The following SEMA4F variants were observed in gnomAD, a reference collection of about 807,000 sequenced individuals.
SEMA4F encodes semaphorin-4F.
In SEMA4F, 51 loss-of-function variants were observed where a neutral mutation model predicts 78.4. That is an observed-to-expected ratio of 0.65 (90% CI 0.52 to 0.82). The LOEUF is 0.82. Among genes scored for constraint, SEMA4F ranks in the 40% least tolerant of loss-of-function variants. SEMA4F has a pLI of 0.00. For missense variants in SEMA4F, 938 were observed against 1,014.4 expected, an observed-to-expected ratio of 0.92 and a Z score of 1.02; for synonymous variants, 418 against 408.7, an observed-to-expected ratio of 1.02 and a Z score of -0.27.
In SEMA4F at chr2:74,673,449, C is replaced by T. The variant is rs1265800441; in HGVS notation, c.551-8C>T. On this transcript the variant is annotated splice_polypyrimidine_tract_variant and splice_region_variant and intron_variant, in intron 5 of 13. Transcript: ENST00000357877. ...CTGATAGCCCATCTCCTCCCTGTCGCCCTGCAGGGGGGGTCCTCTATGCTG... is the reference window on the plus strand; with the variant it reads ...CTGATAGCCCATCTCCTCCCTGTCGTCCTGCAGGGGGGGTCCTCTATGCTG... 5 of 1,613,750 alleles carry T rather than the reference C, an allele frequency of 3.1e-6. No homozygotes were observed. In the East Asian group the frequency reaches 1.1e-4, roughly 36 times the overall value.
intron 5 of SEMA4F, among the ~76,000 whole-genome samples, chr2:74,666,113 G>C (rs1272303371): frequency 6.6e-6 from 1 of 151,838 alleles, no homozygotes; most frequent in African/African-American, 2.4e-5. Flanking sequence ...TCACCATGTT[G>C]ATCAGGCTGG....
the SEMA4F span, among the ~76,000 whole-genome samples, chr2:74,706,759 A>C: frequency 1.3e-5 from 2 of 152,050 alleles, 1 homozygote. Context: ...ATTGATTTTC[A>C]CTTCTGAGTT....
chr2:74,660,619 G>C lies in SEMA4F; in HGVS notation c.457-2113G>C, dbSNP rs1043978319. ...AATGAAGAATCTCAACATTCAGATA[G>C]ATAATATAGTGGAGTGGTCATGTCT... On this transcript the variant is annotated intron_variant, in intron 4 of 13. Transcript: ENST00000357877. Among the ~76,000 whole-genome samples, 63 of 152,220 alleles carry C rather than the reference G, an allele frequency of 4.1e-4. 2 individuals are homozygous for C. Among genetic ancestry groups the C allele is most frequent in the African/African-American group, 1.5e-3 (62 of 41,450 alleles).
chr2:74,669,379 T>A (rs1359142191), intron 5 of SEMA4F, among the ~76,000 whole-genome samples: 1 of 150,716 alleles, frequency 6.6e-6, no homozygotes, highest in Admixed American at 6.6e-5. Flanking sequence ...AGGTCAGGAG[T>A]TTGAGACCAG....
At chr2:74,659,040 G>T (rs903215797) in intron 4 of SEMA4F, among the ~76,000 whole-genome samples, 1 of 152,128 alleles carries the variant, frequency 6.6e-6, no homozygotes, top group Non-Finnish European at 1.5e-5. Context: ...GCCTTGGGGT[G>T]GGTTGGACTT....
the SEMA4F span, among the ~76,000 whole-genome samples, chr2:74,707,693 G>A: frequency 6.6e-6 from 1 of 152,122 alleles, no homozygotes; most frequent in Non-Finnish European, 1.5e-5. Context: ...GTTGAGGAGA[G>A]TTTTACAATT....
Position 74,666,020 on chromosome 2 carries a change from G to C in SEMA4F, c.550+3195G>C, listed in dbSNP as rs549013105. On this transcript the variant is annotated intron_variant, in intron 5 of 13. Transcript: ENST00000357877. ...TCTCACAGGTTCAAGTGATTGTCCT[G>C]CCTCAGCCTCCTGAGTAGCTGAGAT... is the stretch of plus-strand genomic sequence containing the variant. Among the ~76,000 whole-genome samples, 35 of 151,788 alleles carry C rather than the reference G, an allele frequency of 2.3e-4. 1 individual carries two copies. The South Asian group carries it at 7.0e-3, about 31-fold the overall frequency.
Position 74,654,372 on chromosome 2 carries a change from C to G in SEMA4F, c.-5C>G, listed in dbSNP as rs1296235936. ...CGCCGCACCCGCGGCCAGGCGGAGC[C>G]AAAGATGCCGGCCTCTGCTGCGCGG... On this transcript the variant is annotated 5_prime_UTR_variant, in exon 1 of 14. Transcript: ENST00000357877. The G allele has an allele frequency of 6.7e-7, 1 of 1,496,266 alleles. No homozygotes were observed. The highest frequency in any genetic ancestry group is 1.5e-5 in the African/African-American group (1 of 68,568). The allele number at this position is 1,496,266 out of a possible 1,614,324, so 92.7% of individuals were successfully genotyped here.
At chr2:74,676,119 T>C (rs1685269846) in intron 12 of SEMA4F, among the ~76,000 whole-genome samples, 1 of 152,380 alleles carries the variant, frequency 6.6e-6, no homozygotes, top group African/African-American at 2.4e-5. Flanking sequence ...TCCTTGCCTC[T>C]CTGCTGGACC....
At chr2:74,698,182 A>G in the SEMA4F span, among the ~76,000 whole-genome samples, 1 of 152,228 alleles carries the variant, frequency 6.6e-6, no homozygotes, top group Middle Eastern at 3.2e-3. Flanking sequence ...GAGTGATGCT[A>G]TGGGAAATAA....
Position 74,673,587 on chromosome 2 carries a change from G to GGAGA in SEMA4F, c.670+13_670+16dup. The GGAGA allele has an allele frequency of 4.3e-6, 7 of 1,614,126 alleles. No homozygotes were observed. Among genetic ancestry groups the GGAGA allele is most frequent in the Non-Finnish European group, 5.9e-6 (7 of 1,180,000 alleles). On this transcript the variant is annotated intron_variant, in intron 6 of 13. Coordinates refer to ENST00000357877, the MANE Select transcript of SEMA4F (RefSeq NM_004263.5). ...CTTCCTGGCTGAACGGTGGGGAGAG[G>GGAGA]GAGAGGGGTCCTCTGGGGAGACCGA...
the SEMA4F span, among the ~76,000 whole-genome samples, chr2:74,706,270 T>C: frequency 2.0e-5 from 3 of 152,178 alleles, no homozygotes; most frequent in South Asian, 6.2e-4. Context: ...GATTGTACAT[T>C]CAGTGGGATT....
chr2:74,675,011 T>TGAA lies in SEMA4F; in HGVS notation c.1126_1127insAAG (p.Asp375_Val376insGlu), dbSNP rs774894692. 7.4e-6 allele frequency: 12 copies of TGAA among 1,613,814 alleles called. No individual in the cohort carries two copies. The highest frequency in any genetic ancestry group is 1.0e-5 in the Non-Finnish European group (12 of 1,179,982). On this transcript the variant is annotated inframe_insertion, in exon 9 of 14. Coordinates refer to ENST00000357877, the MANE Select transcript of SEMA4F (RefSeq NM_004263.5). The stretch of plus-strand genomic sequence containing the variant: ...GAGGACTGCCTGTCGTGGACAATGA[T>TGAA]GTGCCCCAGCCCAGACCTGGAGAGG...
At chr2:74,664,682 A>G (rs1684593654) in intron 5 of SEMA4F, among the ~76,000 whole-genome samples, 1 of 152,218 alleles carries the variant, frequency 6.6e-6, no homozygotes, top group Admixed American at 6.5e-5. Flanking sequence ...TCTAAAAATG[A>G]CACCTTGTTT....
At chr2:74,707,799 A>C in the SEMA4F span, among the ~76,000 whole-genome samples, 13 of 152,228 alleles carry the variant, frequency 8.5e-5, no homozygotes, top group African/African-American at 3.1e-4. Context: ...GAGGAAACAG[A>C]GATAAGAGTA....
At chr2:74,668,846 T>G (rs1340982815) in intron 5 of SEMA4F, among the ~76,000 whole-genome samples, 1 of 146,952 alleles carries the variant, frequency 6.8e-6, no homozygotes, top group Non-Finnish European at 1.5e-5. Context: ...GCCAGGCTGG[T>G]CTTGAACTCC....
At chr2:74,675,081 A>C in intron 9 of SEMA4F, 46 bp downstream of exon 9, 1 of 1,613,708 alleles carries the variant, frequency 6.2e-7, no homozygotes, top group Non-Finnish European at 8.5e-7. Flanking sequence ...AAGAGCTGCT[A>C]TTAAGGCAAG....
the SEMA4F span, among the ~76,000 whole-genome samples, chr2:74,704,134 C>G: frequency 1.3e-5 from 2 of 151,898 alleles, no homozygotes; most frequent in Admixed American, 6.6e-5. Flanking sequence ...TTCATCCCAG[C>G]TTGGTGAGGT....
At chr2:74,686,342 G>T (rs1685822345), downstream of SEMA4F, among the ~76,000 whole-genome samples, 1 of 152,190 alleles carries the variant, frequency 6.6e-6, no homozygotes, top group African/African-American at 2.4e-5. Context: ...CTCGTGATCT[G>T]CCCGCCTCGG....
Sources: gnomAD v4.1 joint callset for allele counts (sites outside exome capture counted in the v4.1 genomes callset) on GRCh38, gnomAD v4.1.1 for gene constraint, MANE v1.5 for transcripts, NCBI Gene and HGNC (gene_info 2026-07-23, HGNC 2026-07-21) for gene names.